KCNH2: variants seen among roughly 807,000 people sequenced by gnomAD.
KCNH2 encodes the protein potassium voltage-gated channel subfamily H member 2.
Under a neutral mutation model 95.9 loss-of-function variants are expected in KCNH2, and 35 were observed. The observed-to-expected ratio is 0.37, with a 90% CI of 0.28 to 0.48. KCNH2 has a LOEUF of 0.48. KCNH2 is among the 20% of genes least tolerant of loss of function. The probability of loss-of-function intolerance (pLI) is 0.99; values close to 1 mark genes in which losing one functional copy is unlikely to be tolerated. For synonymous variants in KCNH2, 786 were observed against 754.7 expected (o/e 1.04, Z -0.68); for missense variants, 1,274 against 1,702.9 (o/e 0.75, Z 4.43).
chr7:150,971,632 C>T (rs1801842299), intron 2 of KCNH2, among the ~76,000 whole-genome samples: 1 of 151,598 alleles, frequency 6.6e-6, no homozygotes, highest in African/African-American at 2.4e-5. Context: ...AGCAAGGTTC[C>T]GGGGTGCTGA....
At chr7:150,977,384 G>A (rs1456200065) in intron 1 of KCNH2, among the ~76,000 whole-genome samples, 2 of 152,136 alleles carry the variant, frequency 1.3e-5, no homozygotes, top group Non-Finnish European at 2.9e-5. Flanking sequence ...CTGCATCCAC[G>A]GCTTTTCAGT....
intron 2 of KCNH2, among the ~76,000 whole-genome samples, chr7:150,967,466 G>A (rs1052409518): frequency 6.6e-6 from 1 of 152,202 alleles, no homozygotes; most frequent in Non-Finnish European, 1.5e-5. Flanking sequence ...ATTTGGAACA[G>A]AACAGAGAGC....
At chr7:150,969,919 A>T (rs899199413) in intron 2 of KCNH2, among the ~76,000 whole-genome samples, 1 of 152,098 alleles carries the variant, frequency 6.6e-6, no homozygotes, top group African/African-American at 2.4e-5. Flanking sequence ...AAGGACATGG[A>T]GGGGACTTTA....
Position 150,948,547 on chromosome 7 carries a change from G to A in KCNH2, c.2593-4C>T, listed in dbSNP as rs1801011636. 6.2e-7 allele frequency: 1 copy of A among 1,613,084 alleles called. No individual in the cohort carries two copies. The highest frequency in any genetic ancestry group is 1.7e-5 in the Admixed American group (1 of 60,006). ...GGGAGCCCGGGATCATGTTGGTCTG[G>A]AACCAAAATCAGTATCAGGGCCCTT... On this transcript the variant is annotated splice_polypyrimidine_tract_variant and splice_region_variant and intron_variant, in intron 10 of 14. Coordinates refer to ENST00000262186, the MANE Select transcript of KCNH2 (RefSeq NM_000238.4).
chr7:150,949,599 C>T, intron 9 of KCNH2: 1 of 1,077,826 alleles, frequency 9.3e-7, no homozygotes, highest in African/African-American at 1.7e-5. Flanking sequence ...CTAAAATGTC[C>T]TACCATCAAC....
At chr7:150,948,730 T>A (rs1801019511) in intron 10 of KCNH2, 126 bp downstream of exon 10, 1 of 1,106,628 alleles carries the variant, frequency 9.0e-7, no homozygotes, top group Non-Finnish European at 1.4e-6. Flanking sequence ...TAGGCTGCTC[T>A]ATGATACCAT....
At position 150,978,181 on chromosome 7, in the gene KCNH2, G is replaced by C. The variant is rs1367807041; in HGVS notation, c.-268C>G. The C allele has an allele frequency of 6.9e-6, 1 of 145,530 alleles. No homozygotes were observed. Among genetic ancestry groups the C allele is most frequent in the Non-Finnish European group, 1.5e-5 (1 of 65,444 alleles). 9.0% of individuals were successfully genotyped at this position (145,530 alleles called of 1,614,324 possible). On this transcript the variant is annotated 5_prime_UTR_variant, in exon 1 of 15. Coordinates refer to ENST00000262186, the MANE Select transcript of KCNH2 (RefSeq NM_000238.4). ...CTGCCGGCCCCCGCCGAGCCGCGGG[G>C]CCCGCTCCGCCGCGTCCCCGCGCTG...
chr7:150,951,417 C>A, intron 7 of KCNH2, 31 bp downstream of exon 7: 1 of 1,612,696 alleles, frequency 6.2e-7, no homozygotes, highest in African/African-American at 1.3e-5. Flanking sequence ...ACCGTGGGCT[C>A]TCCCCGCCGC....
intron 2 of KCNH2, among the ~76,000 whole-genome samples, chr7:150,971,824 C>T (rs1469729374): frequency 6.6e-6 from 1 of 152,018 alleles, no homozygotes; most frequent in Admixed American, 6.6e-5. Flanking sequence ...GAGGCAGGAA[C>T]AAAGAGCAGA....
chr7:150,971,847 G>A (rs1174038079), intron 2 of KCNH2, among the ~76,000 whole-genome samples: 1 of 152,076 alleles, frequency 6.6e-6, no homozygotes, highest in Non-Finnish European at 1.5e-5. Context: ...GGATGCAGGG[G>A]GACAGAGAGA....
intron 11 of KCNH2, 26 bp downstream of exon 11, chr7:150,948,418 C>A: frequency 7.9e-7 from 1 of 1,266,948 alleles, no homozygotes; most frequent in East Asian, 2.4e-5. Flanking sequence ...CCCCGCCCTC[C>A]CCCTTCCTCC....
rs1008362369 is a variant in KCNH2, at chr7:150,959,609, G to A, written c.435C>T (p.Thr145=). The change falls in exon 3 of 15, where the codon ACC becomes ACT. Residue 145 remains threonine (T), a synonymous_variant. Coordinates refer to ENST00000262186, the MANE Select transcript of KCNH2 (RefSeq NM_000238.4). ...AGCTGGTGGGGGGGCCCCGGTGGTT[G>A]GTGTCATGAGCCGGGGACCCCACCA... ...KDMVGSPAHD[T]NHRGPPTSWL... The A allele has an allele frequency of 2.5e-6, 4 of 1,614,122 alleles. No homozygotes were observed. Among genetic ancestry groups the A allele is most frequent in the Non-Finnish European group, 3.4e-6 (4 of 1,180,010 alleles).
chr7:150,966,036 C>G (rs972381002), intron 2 of KCNH2, among the ~76,000 whole-genome samples: 1 of 152,242 alleles, frequency 6.6e-6, no homozygotes, highest in Non-Finnish European at 1.5e-5. Context: ...TTTCATGGAA[C>G]ACAGAGGCTG....
rs1291372587 is a variant in KCNH2, at chr7:150,952,701, G to A, written c.1281C>T (p.Tyr427=). Residue 427 remains tyrosine, a synonymous_variant, in exon 6 of 15, where the codon TAC becomes TAT. Coordinates refer to ENST00000262186, the MANE Select transcript of KCNH2 (RefSeq NM_000238.4). This position sits in a 1 kb window ranked among gnomAD's most constrained non-coding sequence, Gnocchi z 7.3. The part of the protein sequence containing the change: ...LVIYTAVFTP[Y]SAAFLLKETE... ...TCTCCTTCAGCAGGAAGGCAGCCGA[G>A]TAGGGTGTGAAGACAGCCGTGTAGA... 8 of 1,614,110 alleles carry A rather than the reference G, an allele frequency of 5.0e-6. No individual in the cohort carries two copies. The Admixed American group carries it at 1.2e-4, about 24-fold the overall frequency.
At position 150,974,684 on chromosome 7, in the gene KCNH2, C is replaced by G. The variant is rs200121781; in HGVS notation, c.307+27G>C. ...CGCCCCTCTTGACCCCGCCCCTGGT[C>G]GTGGCCCCGCCCCGGCCCGCTCCTA... On this transcript the variant is annotated intron_variant, in intron 2 of 14. Transcript: ENST00000262186. 3,134 of 1,225,102 alleles carry G rather than the reference C, an allele frequency of 2.6e-3. 9 individuals carry two copies. The highest frequency in any genetic ancestry group is 3.0e-3 in the Non-Finnish European group (2,724 of 915,298). The allele number at this position is 1,225,102 out of a possible 1,614,324, so 75.9% of individuals were successfully genotyped here.
intron 2 of KCNH2, among the ~76,000 whole-genome samples, chr7:150,965,813 G>T (rs1260331171): frequency 6.6e-6 from 1 of 152,180 alleles, no homozygotes; most frequent in Non-Finnish European, 1.5e-5. Context: ...GTGGACTCAG[G>T]GGTGGTGATC....
chr7:150,977,968 C>G lies in KCNH2; in HGVS notation c.-55G>C. 1.7e-6 allele frequency: 2 copies of G among 1,161,118 alleles called. No individual in the cohort carries two copies. Among genetic ancestry groups the G allele is most frequent in the Non-Finnish European group, 2.3e-6 (2 of 856,588 alleles). The allele number at this position is 1,161,118 out of a possible 1,614,324, so 71.9% of individuals were successfully genotyped here. Reference sequence around the variant, plus strand: ...CCCACCCACCCCGGCCCGGCCCGGCCCAGCACTAGGCTTCGGGTGGCCCGG... The same window carrying G: ...CCCACCCACCCCGGCCCGGCCCGGCGCAGCACTAGGCTTCGGGTGGCCCGG... On this transcript the variant is annotated 5_prime_UTR_variant, in exon 1 of 15. Transcript: ENST00000262186.
At position 150,977,878 on chromosome 7, in the gene KCNH2, G is replaced by A. The variant is rs372029645; in HGVS notation, c.36C>T (p.Asn12=). ...PVRRGHVAPQ[N]TFLDTIIRKF... is the part of the protein sequence containing the mutation. ...TGCGGATGATGGTGTCCAGGAAGGT[G>A]TTCTGCGGCGCGACGTGGCCCCTCC... Residue 12 remains asparagine (N), a synonymous_variant, in exon 1 of 15, where the codon AAC becomes AAT. Coordinates refer to ENST00000262186, the MANE Select transcript of KCNH2 (RefSeq NM_000238.4). The A allele has an allele frequency of 5.0e-6, 8 of 1,606,328 alleles. No homozygotes were observed. The East Asian group carries it at 9.0e-5, about 18-fold the overall frequency.
chr7:150,958,059 C>T lies in KCNH2; in HGVS notation c.916G>A (p.Gly306Arg). The T allele has an allele frequency of 7.9e-7, 1 of 1,260,394 alleles. No individual in the cohort carries two copies. The allele number at this position is 1,260,394 out of a possible 1,614,324, so 78.1% of individuals were successfully genotyped here. A position where few individuals can be genotyped will look rare whatever the true frequency, so the allele number is the denominator to read the frequency against. ...LPPPPRHAST[G>R]AMHPLRSGLL... ...GGAACGGGTCCCGCGGCGCCCTCACCGGTGCTGGCGTGGCGCGGTGGCGGG... is the reference window on the plus strand; with the variant it reads ...GGAACGGGTCCCGCGGCGCCCTCACTGGTGCTGGCGTGGCGCGGTGGCGGG... The change falls in exon 4 of 15, where the codon GGG becomes AGG. Residue 306 changes from glycine to arginine, a missense_variant and splice_region_variant. By Grantham distance (125) the Gly-to-Arg change is moderately radical (BLOSUM62 -2). Transcript: ENST00000262186.
Sources: gnomAD v4.1 joint callset for allele counts (sites outside exome capture counted in the v4.1 genomes callset) on GRCh38, gnomAD v4.1.1 for gene constraint, Gnocchi (gnomAD v3.1) non-coding constraint, MANE v1.5 for transcripts, NCBI Gene and HGNC (gene_info 2026-07-23, HGNC 2026-07-21) for gene names.